The following MBOAT7 variants were observed in gnomAD, a reference collection of about 807,000 sequenced individuals.
The protein encoded by MBOAT7 is membrane-bound acylglycerophosphatidylinositol O-acyltransferase MBOAT7.
In MBOAT7, 40 loss-of-function variants were observed where a neutral mutation model predicts 47.4. That is an observed-to-expected ratio of 0.84 (90% confidence interval 0.66 to 1.10). The LOEUF is 1.10. MBOAT7 is among the 50% of genes least tolerant of loss of function. MBOAT7 has a pLI of 0.00. For missense variants in MBOAT7, 680 were observed against 655.6 expected (o/e 1.04, Z -0.41); for synonymous variants, 361 against 292.0 (o/e 1.24, Z -2.41).
At chr19:54,188,090 C>A in intron 3 of MBOAT7, 127 bp downstream of exon 3, 1 of 808,036 alleles carries the variant, frequency 1.2e-6, no homozygotes, top group South Asian at 2.4e-5. Flanking sequence ...AAACATGAAA[C>A]AGAGAAATGA....
At position 54,178,860 on chromosome 19, in the gene MBOAT7, C is replaced by A. The variant is rs534942399; in HGVS notation, c.936G>T (p.Arg312=). 58 of 1,613,550 alleles carry A rather than the reference C, an allele frequency of 3.6e-5. No individual in the cohort carries two copies. Among genetic ancestry groups the A allele is most frequent in the Non-Finnish European group, 5.1e-6 (6 of 1,180,038 alleles). Residue 312 remains arginine, a synonymous_variant, in exon 7 of 8, where the codon CGG becomes CGT. Transcript: ENST00000245615. Reference sequence around the variant, plus strand: ...TCCAGTACCGCATGCCATCGCGCACCCGCACGCAGAAATCTGTGCTGTAGC... The same window carrying A: ...TCCAGTACCGCATGCCATCGCGCACACGCACGCAGAAATCTGTGCTGTAGC... The part of the protein sequence containing the change: ...IDCYSTDFCV[R]VRDGMRYWNM...
Position 54,173,978 on chromosome 19 carries a change from G to A in MBOAT7, c.*66C>T. The A allele has an allele frequency of 6.7e-7, 1 of 1,494,568 alleles. No individual in the cohort carries two copies. Among genetic ancestry groups the A allele is most frequent in the Non-Finnish European group, 8.9e-7 (1 of 1,120,710 alleles). 92.6% of individuals were successfully genotyped at this position (1,494,568 alleles called of 1,614,324 possible). ...TCTCCAAGGTAAGGACTCTTTCTGG[G>A]GAGGAGACAGCAGCCTGGTTCACAG... On this transcript the variant is annotated 3_prime_UTR_variant, in exon 8 of 8. Coordinates refer to ENST00000245615, the MANE Select transcript of MBOAT7 (RefSeq NM_024298.5).
chr19:54,174,338 G>C lies in MBOAT7; in HGVS notation c.1125C>G (p.Ala375=). 2 of 1,612,992 alleles carry C rather than the reference G, an allele frequency of 1.2e-6. No homozygotes were observed. Among genetic ancestry groups the C allele is most frequent in the East Asian group, 2.2e-5 (1 of 44,832 alleles). Residue 375 remains alanine, a synonymous_variant, in exon 8 of 8, where the codon GCC becomes GCG. Coordinates refer to ENST00000245615, the MANE Select transcript of MBOAT7 (RefSeq NM_024298.5). ...GCAGGGCTGACTCCAGCCGGCCCTC[G>C]GCAGCCAGGCACAGCGGGATGGTCA... is the stretch of plus-strand genomic sequence containing the variant. ...SFLTIPLCLA[A]EGRLESALRG...
At chr19:54,184,693 G>A (rs2076382366) in intron 4 of MBOAT7, among the ~76,000 whole-genome samples, 2 of 151,834 alleles carry the variant, frequency 1.3e-5, no homozygotes, top group South Asian at 2.1e-4. Context: ...ACCTGAGGTC[G>A]GGAGTTCGAG....
intron 5 of MBOAT7, among the ~76,000 whole-genome samples, chr19:54,181,729 AGGAAGGAGGGAG>A (rs2076280699): frequency 3.2e-5 from 1 of 31,048 alleles, no homozygotes; most frequent in African/African-American, 1.5e-4. Flanking sequence ...GAAGGAGGGA[AGGAAGGAGGGAG>A]GGAGGGAAGG....
rs1449446333 is a variant in MBOAT7 at position 54,188,014 on chromosome 19, T to TAAGAAAGACAGAAAGA, written c.206+202_206+203insTCTTTCTGTCTTTCTT. 1.8e-3 allele frequency among the ~76,000 whole-genome samples: 151 copies of TAAGAAAGACAGAAAGA among 82,426 alleles called. 4 individuals are homozygous for TAAGAAAGACAGAAAGA. Among genetic ancestry groups the TAAGAAAGACAGAAAGA allele is most frequent in the African/African-American group, 6.1e-3 (85 of 14,012 alleles). The allele number at this position is 82,426 out of a possible 152,430, so 54.1% of individuals were successfully genotyped here. A position where few individuals can be genotyped will look rare whatever the true frequency, so the allele number is the denominator to read the frequency against. ...TGGGCAACAGGAGCGAAACTCCATC[T>TAAGAAAGACAGAAAGA]CAGAAAGAAAGAAAGAAAGAAAGAA... On this transcript the variant is annotated intron_variant, in intron 3 of 7. Coordinates refer to ENST00000245615, the MANE Select transcript of MBOAT7 (RefSeq NM_024298.5).
At chr19:54,185,100 C>A (rs990109369) in intron 4 of MBOAT7, among the ~76,000 whole-genome samples, 14 of 151,722 alleles carry the variant, frequency 9.2e-5, no homozygotes, top group Admixed American at 8.5e-4. Flanking sequence ...GTCCCAGCTA[C>A]TCGAGAGGCT....
rs1470666995 is a variant in MBOAT7 at position 54,188,518 on chromosome 19, G to T, written c.-3-7C>A. ...ATTCTTCAGGCGACATGGTCTGGGGGAGGGGCAGAGATTCACAGTGAGAAC... is the reference window on the plus strand; with the variant it reads ...ATTCTTCAGGCGACATGGTCTGGGGTAGGGGCAGAGATTCACAGTGAGAAC... On this transcript the variant is annotated splice_region_variant and splice_polypyrimidine_tract_variant and intron_variant, in intron 1 of 7. Transcript: ENST00000245615. The T allele has an allele frequency of 1.3e-6, 2 of 1,551,558 alleles. No individual in the cohort carries two copies. The highest frequency in any genetic ancestry group is 4.9e-5 in the East Asian group (2 of 41,006).
Position 54,187,288 on chromosome 19 carries a change from C to A in MBOAT7, c.207-1G>T, listed in dbSNP as rs778184208. The A allele has an allele frequency of 1.2e-6, 2 of 1,607,842 alleles. No individual in the cohort carries two copies. Among genetic ancestry groups the A allele is most frequent in the African/African-American group, 1.3e-5 (1 of 74,856 alleles). ...GGCCAGAGCCAGGGCGTGGCAGGAG[C>A]TGGGCAAAAGCAGGAGGCGCACTGT... is the stretch of plus-strand genomic sequence containing the variant. On this transcript the variant is annotated splice_acceptor_variant, in intron 3 of 7. Transcript: ENST00000245615. LOFTEE classifies it high-confidence loss of function.
chr19:54,182,681 T>C (rs967438727), intron 5 of MBOAT7, among the ~76,000 whole-genome samples: 16 of 152,234 alleles, frequency 1.1e-4, no homozygotes, highest in Non-Finnish European at 1.8e-4. Context: ...CATACATATA[T>C]ATACACACAT....
intron 5 of MBOAT7, among the ~76,000 whole-genome samples, chr19:54,182,301 G>C (rs1425532506): frequency 6.6e-6 from 1 of 152,052 alleles, no homozygotes; most frequent in African/African-American, 2.4e-5. Flanking sequence ...GATTCCATTT[G>C]TAAGCGCAAT....
intron 4 of MBOAT7, among the ~76,000 whole-genome samples, chr19:54,185,536 A>C (rs903226922): frequency 3.3e-5 from 5 of 152,018 alleles, no homozygotes; most frequent in African/African-American, 1.2e-4. Flanking sequence ...TTCCTGCTGC[A>C]ACTCAGACCT....
In MBOAT7 at chr19:54,188,251, G is replaced by C; in HGVS notation, c.172C>G (p.Leu58Val). The change falls in exon 3 of 8, where the codon CTC becomes GTC. Residue 58 changes from leucine (L) to valine (V), a missense_variant. Transcript: ENST00000245615. ...GCCTGAATGAGGGCCCAGGTCCCGA[G>C]GATGGTGACCAGAGAATGCAAAGTG... ...PHTLHSLVTI[L>V]GTWALIQAQP... 1 of 1,613,848 alleles carries C rather than the reference G, an allele frequency of 6.2e-7. No individual in the cohort carries two copies. The highest frequency in any genetic ancestry group is 8.5e-7 in the Non-Finnish European group (1 of 1,179,896).
chr19:54,178,931 C>A lies in MBOAT7; in HGVS notation c.865G>T (p.Ala289Ser), dbSNP rs373026642. The part of the protein sequence containing the change: ...QCPPPSSPEK[A>S]ASLEYDYETI... ...TCATAGTCATACTCCAAGGAAGCCGCCTTCTCCGGACTGGGGGGTGGAGGA... is the reference window on the plus strand; with the variant it reads ...TCATAGTCATACTCCAAGGAAGCCGACTTCTCCGGACTGGGGGGTGGAGGA... The change falls in exon 7 of 8, where the codon GCG becomes TCG. Residue 289 changes from alanine to serine, a missense_variant. Physicochemically the swap from Ala to Ser is moderately conservative, Grantham distance 99. Coordinates refer to ENST00000245615, the MANE Select transcript of MBOAT7 (RefSeq NM_024298.5). The A allele has an allele frequency of 5.0e-6, 8 of 1,612,806 alleles. No individual in the cohort carries two copies. The highest frequency in any genetic ancestry group is 5.9e-6 in the Non-Finnish European group (7 of 1,179,878).
chr19:54,175,835 C>T (rs1332035011), intron 7 of MBOAT7, among the ~76,000 whole-genome samples: 2 of 152,172 alleles, frequency 1.3e-5, no homozygotes, highest in Non-Finnish European at 2.9e-5. Flanking sequence ...AGTGATTCTC[C>T]TGCCTCAGCC....
Position 54,174,295 on chromosome 19 carries a change from C to T in MBOAT7, c.1168G>A (p.Gly390Arg). Residue 390 changes from glycine (G) to arginine (R), a missense_variant, in exon 8 of 8, where the codon GGG becomes AGG. Coordinates refer to ENST00000245615, the MANE Select transcript of MBOAT7 (RefSeq NM_024298.5). Reference sequence around the variant, plus strand: ...ACCCAGTCCCAGGCCTTCTGGCCCCCTGGGCTCAGCCGCCCCCGCAGGGCT... The same window carrying T: ...ACCCAGTCCCAGGCCTTCTGGCCCCTTGGGCTCAGCCGCCCCCGCAGGGCT... ...ESALRGRLSP[G>R]GQKAWDWVHW... is the part of the protein sequence containing the mutation. 1 of 1,613,164 alleles carries T rather than the reference C, an allele frequency of 6.2e-7. No homozygotes were observed. Among genetic ancestry groups the T allele is most frequent in the Non-Finnish European group, 8.5e-7 (1 of 1,179,478 alleles).
intron 3 of MBOAT7, 74 bp downstream of exon 3, chr19:54,188,143 A>G (rs2147043518): frequency 6.8e-7 from 1 of 1,467,956 alleles, no homozygotes; most frequent in African/African-American, 1.4e-5. Flanking sequence ...AGAAGCTGAA[A>G]AAGACTCAAA....
intron 6 of MBOAT7, 165 bp from the exon 7 acceptor site, chr19:54,179,106 G>C: frequency 3.2e-6 from 3 of 932,496 alleles, no homozygotes; most frequent in Non-Finnish European, 4.7e-6. Flanking sequence ...GTGGCCCAGA[G>C]GGTGCCTGTA....
In MBOAT7 at chr19:54,174,205, C is replaced by T. The variant is rs1410345163; in HGVS notation, c.1258G>A (p.Ala420Thr). The change falls in exon 8 of 8, where the codon GCC (alanine) becomes ACC (threonine). Residue 420 changes from alanine (A) to threonine (T), a missense_variant. Ala to Thr is a moderately conservative substitution (Grantham distance 58). Transcript: ENST00000245615. The stretch of plus-strand genomic sequence containing the variant: ...GAGGCCCAGTACCGAAGGGTGTCGG[C>T]CAAGGAGAGCAGCACGAAGCCCATG... Reference protein sequence around the residue: ...MCMGFVLLSLADTLRYWASIY... With the variant: ...MCMGFVLLSLTDTLRYWASIY... The T allele has an allele frequency of 3.1e-6, 5 of 1,598,118 alleles. No homozygotes were observed. Among genetic ancestry groups the T allele is most frequent in the Non-Finnish European group, 4.3e-6 (5 of 1,170,366 alleles).
Sources: allele counts gnomAD v4.1 joint callset (sites outside exome capture counted in the v4.1 genomes callset), GRCh38; gene constraint gnomAD v4.1.1; transcripts MANE v1.5; gene names NCBI Gene and HGNC (gene_info 2026-07-23, HGNC 2026-07-21).